TP53BP1: variants seen among roughly 807,000 people sequenced by gnomAD.
The protein encoded by TP53BP1 is tumor protein p53 binding protein 1.
TP53BP1 carries 61 observed loss-of-function variants against 200.8 expected under a neutral mutation model. The ratio of observed to expected loss-of-function variants is 0.30; its 90% CI spans 0.25 to 0.38. The LOEUF (loss-of-function observed/expected upper bound fraction) is 0.38. Among genes scored for constraint, TP53BP1 ranks in the 10% least tolerant of loss-of-function variants. TP53BP1 has a pLI of 1.00. For synonymous variants in TP53BP1, 822 were observed against 844.3 expected, an observed-to-expected ratio of 0.97 and a Z score of 0.46; for missense variants, 2,144 against 2,371.9, an observed-to-expected ratio of 0.90 and a Z score of 2.00.
intron 11 of TP53BP1, among the ~76,000 whole-genome samples, chr15:43,457,746 T>C (rs2093484555): frequency 7.2e-6 from 1 of 139,708 alleles, no homozygotes; most frequent in Non-Finnish European, 1.5e-5. Context: ...TGGCCAGGTG[T>C]GGTAGCTCAT....
chr15:43,448,026 G>C (rs1179601251), intron 12 of TP53BP1, among the ~76,000 whole-genome samples: 1 of 152,154 alleles, frequency 6.6e-6, no homozygotes, highest in Non-Finnish European at 1.5e-5. Context: ...ATACTGACTG[G>C]TTCTAGCATA....
intron 11 of TP53BP1, among the ~76,000 whole-genome samples, chr15:43,467,007 GCTT>G (rs1437220403): frequency 2.0e-5 from 3 of 152,008 alleles, no homozygotes; most frequent in Non-Finnish European, 4.4e-5. Flanking sequence ...TTTTACACAT[GCTT>G]ATTAAGTAAA....
Position 43,461,947 on chromosome 15 carries a change from C to T in TP53BP1, c.1390-4729G>A, listed in dbSNP as rs536916980. 2.0e-5 allele frequency among the ~76,000 whole-genome samples: 3 copies of T among 151,646 alleles called. No individual in the cohort carries two copies. The East Asian group carries it at 5.8e-4, about 29-fold the overall frequency. ...GGCCTCCCAAAGCTGGGATTACAAG[C>T]GTGAGCCACAGAACCTGGCCATTCT... is the stretch of plus-strand genomic sequence containing the variant. On this transcript the variant is annotated intron_variant, in intron 11 of 27. Transcript: ENST00000382044.
rs996787875 is a variant in TP53BP1 at position 43,491,704 on chromosome 15, G to A, written c.336C>T (p.Val112=). 1 of 1,614,012 alleles carries A rather than the reference G, an allele frequency of 6.2e-7. No homozygotes were observed. The highest frequency in any genetic ancestry group is 1.6e-4 in the Middle Eastern group (1 of 6,062). Residue 112 remains valine, a synonymous_variant, in exon 4 of 28, where the codon GTC becomes GTT. Transcript: ENST00000382044. ...NLDTCGSISQ[V]IEQLPQPNRT... Reference sequence around the variant, plus strand: ...TGTTTGGCTGAGGTAACTGCTCAATGACCTGACTGATGGAACCACATGTGT... The same window carrying A: ...TGTTTGGCTGAGGTAACTGCTCAATAACCTGACTGATGGAACCACATGTGT...
At chr15:43,500,783 T>C (rs1163926472) in intron 1 of TP53BP1, among the ~76,000 whole-genome samples, 2 of 152,104 alleles carry the variant, frequency 1.3e-5, no homozygotes, top group Non-Finnish European at 2.9e-5. Context: ...ATCACGCTGC[T>C]GCACTCCAGC....
chr15:43,430,932 A>T (rs538678995), intron 17 of TP53BP1, among the ~76,000 whole-genome samples: 2 of 152,030 alleles, frequency 1.3e-5, no homozygotes, highest in Non-Finnish European at 2.9e-5. Context: ...GCACTTTATG[A>T]CTTACTTCTC....
Position 43,456,059 on chromosome 15 carries a change from C to T in TP53BP1, c.2549G>A (p.Arg850Lys). The T allele has an allele frequency of 6.2e-7, 1 of 1,614,192 alleles. No homozygotes were observed. Among genetic ancestry groups the T allele is most frequent in the Non-Finnish European group, 8.5e-7 (1 of 1,180,048 alleles). Reference protein sequence around the residue: ...LPLVRADDPLRLDQELQQPQT... With the variant: ...LPLVRADDPLKLDQELQQPQT... ...GGGCTGCTGCAACTCCTGGTCAAGT[C>T]TTAAAGGATCATCTGCTCTCACTAA... Residue 850 changes from arginine (R) to lysine (K), a missense_variant, in exon 12 of 28, where the codon AGA (arginine) becomes AAA (lysine). By Grantham distance (26) the Arg-to-Lys change is conservative. Transcript: ENST00000382044.
At chr15:43,468,336 A>G (rs557372890) in intron 11 of TP53BP1, among the ~76,000 whole-genome samples, 67 of 152,166 alleles carry the variant, frequency 4.4e-4, no homozygotes, top group Non-Finnish European at 7.8e-4. Context: ...CTTGAGCCCA[A>G]GAGTTTAAGA....
chr15:43,506,323 G>C (rs1021064189), intron 1 of TP53BP1, among the ~76,000 whole-genome samples: 1 of 152,148 alleles, frequency 6.6e-6, no homozygotes, highest in African/African-American at 2.4e-5. Context: ...ACTTTGTTAA[G>C]AGTGTGCTTA....
chr15:43,457,837 G>T (rs933961660), intron 11 of TP53BP1, among the ~76,000 whole-genome samples: 5 of 151,970 alleles, frequency 3.3e-5, no homozygotes, highest in Non-Finnish European at 7.4e-5. Context: ...TGGCCAACAT[G>T]GCGAAACCCT....
Position 43,420,448 on chromosome 15 carries a change from C to T in TP53BP1, c.4538G>A (p.Arg1513Gln), listed in dbSNP as rs146431821. ...NGYFYSGKIT[R>Q]DVGAGKYKLL... ...TTTATACTTCCCAGCTCCGACATCTCGTGTGATTTTCCCAGAGTAAAAGTA... is the reference window on the plus strand; with the variant it reads ...TTTATACTTCCCAGCTCCGACATCTTGTGTGATTTTCCCAGAGTAAAAGTA... Residue 1513 changes from arginine (R) to glutamine (Q), a missense_variant, in exon 21 of 28, where the codon CGA becomes CAA. Physicochemically the swap from Arg to Gln is conservative, Grantham distance 43. Around this residue, in one of 4 missense-constraint regions of TP53BP1, gnomAD observed 61 missense variants for 147.5 expected, o/e 0.41. Transcript: ENST00000382044. The T allele has an allele frequency of 8.2e-5, 133 of 1,614,180 alleles. 1 individual carries two copies. The African/African-American group carries it at 1.6e-3, about 19-fold the overall frequency.
At chr15:43,440,051 C>G (rs1036886003) in intron 15 of TP53BP1, among the ~76,000 whole-genome samples, 2 of 152,150 alleles carry the variant, frequency 1.3e-5, no homozygotes, top group Non-Finnish European at 2.9e-5. Context: ...AAGAACAGAT[C>G]AAAAGACTTT....
chr15:43,474,351 C>G (rs550784249), intron 10 of TP53BP1, among the ~76,000 whole-genome samples: 1 of 152,074 alleles, frequency 6.6e-6, no homozygotes, highest in East Asian at 1.9e-4. Flanking sequence ...GGCTGAAGGG[C>G]TCCTCAAGTG....
chr15:43,408,911 T>C lies in TP53BP1; in HGVS notation c.5586A>G (p.Gln1862=), dbSNP rs375326449. The change falls in exon 26 of 28, where the codon CAA becomes CAG. Residue 1862 remains glutamine (Q), a synonymous_variant. Transcript: ENST00000382044. ...CAAATACTTACCAGTCCAGAATTCT[T>C]TGCTCCTCAAGGCTGTACCCAGCTG... ...LLPAGYSLEE[Q]RILDWQPREN... 1.5e-3 allele frequency: 2,383 copies of C among 1,614,158 alleles called. 50 individuals are homozygous for C. The South Asian group carries it at 0.025, about 17-fold the overall frequency.
chr15:43,430,297 A>G (rs2045640097), intron 17 of TP53BP1, among the ~76,000 whole-genome samples: 1 of 152,176 alleles, frequency 6.6e-6, no homozygotes, highest in Admixed American at 6.5e-5. Flanking sequence ...GATTTTTAAA[A>G]AGCACCGACA....
rs774924452 is a variant in TP53BP1 at position 43,405,246 on chromosome 15, C to T, written c.*2137G>A. 3 of 1,613,012 alleles carry T rather than the reference C, an allele frequency of 1.9e-6. No homozygotes were observed. In the Admixed American group the frequency reaches 5.0e-5, roughly 27 times the overall value. On this transcript the variant is annotated 3_prime_UTR_variant, in exon 28 of 28. Transcript: ENST00000382044. Reference sequence around the variant, plus strand: ...CTGGCTCATAAATTGAAATAACAGCCACGTTCCCAAGGTTGTAACAGAAGA... The same window carrying T: ...CTGGCTCATAAATTGAAATAACAGCTACGTTCCCAAGGTTGTAACAGAAGA...
At chr15:43,458,508 G>A (rs901079858) in intron 11 of TP53BP1, among the ~76,000 whole-genome samples, 4 of 152,108 alleles carry the variant, frequency 2.6e-5, no homozygotes, top group Non-Finnish European at 5.9e-5. Context: ...GCCAGGGATG[G>A]TGGCTCACAC....
chr15:43,443,402 C>A (rs2045972299), intron 14 of TP53BP1, among the ~76,000 whole-genome samples: 1 of 152,120 alleles, frequency 6.6e-6, no homozygotes, highest in African/African-American at 2.4e-5. Flanking sequence ...ACTTCAAAAA[C>A]AAAGGGTGGC....
In TP53BP1 at chr15:43,407,952, G is replaced by A; in HGVS notation, c.5737C>T (p.His1913Tyr). The change falls in exon 27 of 28, where the codon CAT becomes TAT. Residue 1913 changes from histidine to tyrosine, a missense_variant. Around this residue, in one of 4 missense-constraint regions of TP53BP1, gnomAD observed 334 missense variants for 453.4 expected, o/e 0.74. Coordinates refer to ENST00000382044, the MANE Select transcript of TP53BP1 (RefSeq NM_001141980.3). ...ACACTCTTTCAGGTACCTTTGTTAT[G>A]GGCACTTGAATGGTGCTGCTTCACA... ...ASVKQHHSSA[H>Y]NKDIALGVFD... 6.2e-7 allele frequency: 1 copy of A among 1,612,502 alleles called. No individual in the cohort carries two copies. Among genetic ancestry groups the A allele is most frequent in the South Asian group, 1.1e-5 (1 of 90,990 alleles).
Sources: gnomAD v4.1 joint callset for allele counts (sites outside exome capture counted in the v4.1 genomes callset) on GRCh38, gnomAD v4.1.1 for gene constraint, gnomAD v4.1.1 regional missense constraint, MANE v1.5 for transcripts, NCBI Gene and HGNC (gene_info 2026-07-23, HGNC 2026-07-21) for gene names.